Variants in PNPLA3 observed in about 807,000 individuals in gnomAD.
The protein encoded by PNPLA3 is patatin like domain 3, 1-acylglycerol-3-phosphate O-acyltransferase.
In PNPLA3, 42 loss-of-function variants were observed where a neutral mutation model predicts 43.1. The observed-to-expected ratio is 0.97, with a 90% CI of 0.76 to 1.26. The LOEUF (loss-of-function observed/expected upper bound fraction) is 1.26, where lower values mean the gene tolerates loss of function less well. PNPLA3 is among the 50% of genes most tolerant of loss of function. The pLI, the probability that PNPLA3 is intolerant of heterozygous loss-of-function variation, is 0.00. For missense variants in PNPLA3, 647 were observed against 621.4 expected (o/e 1.04, Z -0.44); for synonymous variants, 272 against 253.6 (o/e 1.07, Z -0.69).
In PNPLA3 at chr22:43,946,295, C is replaced by T. The variant is rs76510336; in HGVS notation, c.1359C>T (p.Ser453=). The part of the protein sequence containing the change: ...EATPRSILRS[S]LNFFLGNKVP... ...CCCCGCGGTCCATCCTCAGGTCCAG[C>T]CTGAACTTCTTCTTGGGCAATAAAG... Residue 453 remains serine (S), a synonymous_variant, in exon 9 of 9, where the codon AGC becomes AGT. Transcript: ENST00000216180. The T allele has an allele frequency of 3.8e-5, 61 of 1,614,134 alleles. No individual in the cohort carries two copies. Among genetic ancestry groups the T allele is most frequent in the Non-Finnish European group, 4.2e-6 (5 of 1,180,036 alleles).
At chr22:43,941,719 C>G (rs921986023) in intron 7 of PNPLA3, among the ~76,000 whole-genome samples, 1 of 151,958 alleles carries the variant, frequency 6.6e-6, no homozygotes. Flanking sequence ...TGAGCCTCAG[C>G]GGTTTCATCC....
At chr22:43,926,138 C>T (rs1484972970) in intron 1 of PNPLA3, among the ~76,000 whole-genome samples, 1 of 152,352 alleles carries the variant, frequency 6.6e-6, no homozygotes, top group South Asian at 2.1e-4. Context: ...CTCAGTGCAT[C>T]TGAGCTGAGG....
chr22:43,944,680 C>G lies in PNPLA3; in HGVS notation c.1113-11C>G. 6.2e-7 allele frequency: 1 copy of G among 1,612,770 alleles called. No homozygotes were observed. The stretch of plus-strand genomic sequence containing the variant: ...ATGTGTGTGTTTGTGTACTTGGTCT[C>G]ATCTCTGCAGACTGGTGACATGGCT... On this transcript the variant is annotated splice_polypyrimidine_tract_variant and intron_variant, in intron 7 of 8. Coordinates refer to ENST00000216180, the MANE Select transcript of PNPLA3 (RefSeq NM_025225.3).
Position 43,925,104 on chromosome 22 carries a change from T to C in PNPLA3, c.187+1006T>C, listed in dbSNP as rs577201122. Among the ~76,000 whole-genome samples, 16 of 150,612 alleles carry C rather than the reference T, an allele frequency of 1.1e-4. No homozygotes were observed. In the East Asian group the frequency reaches 2.9e-3, roughly 27 times the overall value. On this transcript the variant is annotated intron_variant, in intron 1 of 8. Coordinates refer to ENST00000216180, the MANE Select transcript of PNPLA3 (RefSeq NM_025225.3). ...TTTCCTCCTCCTCCTCCTCCTCCAGTGTTTGGGACCCTTCCTGGGGGCTGG... is the reference window on the plus strand; with the variant it reads ...TTTCCTCCTCCTCCTCCTCCTCCAGCGTTTGGGACCCTTCCTGGGGGCTGG...
intron 8 of PNPLA3, 28 bp from the exon 9 acceptor site, chr22:43,946,126 C>G: frequency 6.2e-7 from 1 of 1,607,278 alleles, no homozygotes; most frequent in Non-Finnish European, 8.5e-7. Context: ...GGAACGGCCT[C>G]TAAGCCAACT....
In PNPLA3 at chr22:43,946,625, G is replaced by A. The variant is rs990854737; in HGVS notation, c.*243G>A. The A allele has an allele frequency of 2.0e-5, 14 of 703,508 alleles. No individual in the cohort carries two copies. The highest frequency in any genetic ancestry group is 2.4e-4 in the Middle Eastern group (1 of 4,214). 43.6% of individuals were successfully genotyped at this position (703,508 alleles called of 1,614,324 possible). A position where few individuals can be genotyped will look rare whatever the true frequency, so the allele number is the denominator to read the frequency against. ...GCTGGTTGGGAAATGACACCAGGAAGCCCAGTGCAGAGGGTCCCTTACTGA... is the reference window on the plus strand; with the variant it reads ...GCTGGTTGGGAAATGACACCAGGAAACCCAGTGCAGAGGGTCCCTTACTGA... On this transcript the variant is annotated 3_prime_UTR_variant, in exon 9 of 9. Coordinates refer to ENST00000216180, the MANE Select transcript of PNPLA3 (RefSeq NM_025225.3).
chr22:43,938,437 T>C (rs2050010017), intron 6 of PNPLA3, among the ~76,000 whole-genome samples: 2 of 152,106 alleles, frequency 1.3e-5, no homozygotes, highest in Admixed American at 6.6e-5. Context: ...ACAGGAAGCA[T>C]GGTGCTGGCA....
chr22:43,933,061 A>C lies in PNPLA3; in HGVS notation c.670A>C (p.Arg224=). Residue 224 remains arginine, a synonymous_variant, in exon 4 of 9, where the codon AGA becomes CGA. Coordinates refer to ENST00000216180, the MANE Select transcript of PNPLA3 (RefSeq NM_025225.3). ...CACAGGGAACCTCTACCTTCTCTCGAGAGCTTTTGTCCCCCCGGATCTCAA... is the reference window on the plus strand; with the variant it reads ...CACAGGGAACCTCTACCTTCTCTCGCGAGCTTTTGTCCCCCCGGATCTCAA... ...LCTGNLYLLS[R]AFVPPDLKVL... is the part of the protein sequence containing the mutation. 6.2e-7 allele frequency: 1 copy of C among 1,613,900 alleles called. No individual in the cohort carries two copies. Among genetic ancestry groups the C allele is most frequent in the Non-Finnish European group, 8.5e-7 (1 of 1,180,016 alleles).
intron 8 of PNPLA3, among the ~76,000 whole-genome samples, 179 bp from the exon 9 acceptor site, chr22:43,945,975 C>T (rs2050060252): frequency 6.6e-6 from 1 of 152,148 alleles, no homozygotes; most frequent in African/African-American, 2.4e-5. Context: ...CTTGGAAGAC[C>T]TAGGTGGTGA....
chr22:43,933,111 G>T (rs1239431812), intron 4 of PNPLA3, 24 bp downstream of exon 4: 1 of 1,599,020 alleles, frequency 6.3e-7, no homozygotes, highest in Non-Finnish European at 8.6e-7. Context: ...GAGGGGGCAG[G>T]TGTTCTGGGG....
At chr22:43,924,142 GC>G in intron 1 of PNPLA3, 44 bp downstream of exon 1, 2 of 1,435,228 alleles carry the variant, frequency 1.4e-6, no homozygotes, top group Middle Eastern at 2.5e-4. Context: ...CGGAGTGGGT[GC>G]CCCCTAGGCC....
intron 4 of PNPLA3, among the ~76,000 whole-genome samples, chr22:43,933,689 A>G (rs1343507890): frequency 6.6e-6 from 1 of 152,200 alleles, no homozygotes; most frequent in Non-Finnish European, 1.5e-5. Context: ...GATGATTCTT[A>G]TTTGGAAACA....
intron 2 of PNPLA3, 118 bp downstream of exon 2, chr22:43,927,285 G>A (rs2049930448): frequency 2.4e-6 from 2 of 823,288 alleles, no homozygotes; most frequent in South Asian, 3.2e-5. Flanking sequence ...GGTTGCTTGA[G>A]CCCAGGAGCT....
rs964253614 is a variant in PNPLA3, at chr22:43,946,629, A to G, written c.*247A>G. 1.0e-5 allele frequency: 7 copies of G among 698,142 alleles called. No homozygotes were observed. In the East Asian group the frequency reaches 2.0e-4, roughly 20 times the overall value. The allele number at this position is 698,142 out of a possible 1,614,324, so 43.2% of individuals were successfully genotyped here. ...GTTGGGAAATGACACCAGGAAGCCCAGTGCAGAGGGTCCCTTACTGACTGT... is the reference window on the plus strand; with the variant it reads ...GTTGGGAAATGACACCAGGAAGCCCGGTGCAGAGGGTCCCTTACTGACTGT... On this transcript the variant is annotated 3_prime_UTR_variant, in exon 9 of 9. Transcript: ENST00000216180.
Position 43,937,118 on chromosome 22 carries a change from G to C in PNPLA3, c.825G>C (p.Met275Ile), listed in dbSNP as rs2050000631. Residue 275 changes from methionine (M) to isoleucine (I), a missense_variant, in exon 6 of 9, where the codon ATG becomes ATC. Coordinates refer to ENST00000216180, the MANE Select transcript of PNPLA3 (RefSeq NM_025225.3). ...SSEGMDPEVA[M>I]PSWANMSLDS... is the part of the protein sequence containing the mutation. ...AAGGGATGGATCCTGAGGTCGCCAT[G>C]CCCAGCTGGGCAAACATGAGTCTGG... 1 of 1,614,042 alleles carries C rather than the reference G, an allele frequency of 6.2e-7. No individual in the cohort carries two copies. Among genetic ancestry groups the C allele is most frequent in the African/African-American group, 1.3e-5 (1 of 74,946 alleles).
chr22:43,938,578 T>G (rs1259757319), intron 6 of PNPLA3, among the ~76,000 whole-genome samples: 1 of 152,072 alleles, frequency 6.6e-6, no homozygotes, highest in Non-Finnish European at 1.5e-5. Flanking sequence ...CCATACACTT[T>G]TAAACAACCA....
At position 43,946,730 on chromosome 22, in the gene PNPLA3, C is replaced by A. The variant is rs769538246; in HGVS notation, c.*348C>A. 1 of 530,272 alleles carries A rather than the reference C, an allele frequency of 1.9e-6. No homozygotes were observed. The highest frequency in any genetic ancestry group is 3.7e-6 in the Non-Finnish European group (1 of 270,394). The allele number at this position is 530,272 out of a possible 1,614,324, so 32.8% of individuals were successfully genotyped here. ...GACAGGTGTTTGGATGGGTGGGGGC[C>A]TTGTGATGGGGGGTAGGCTGGCCCA... is the stretch of plus-strand genomic sequence containing the variant. On this transcript the variant is annotated 3_prime_UTR_variant, in exon 9 of 9. Coordinates refer to ENST00000216180, the MANE Select transcript of PNPLA3 (RefSeq NM_025225.3).
chr22:43,938,924 T>C (rs2050013486), intron 6 of PNPLA3, among the ~76,000 whole-genome samples: 1 of 152,040 alleles, frequency 6.6e-6, no homozygotes, highest in Admixed American at 6.5e-5. Context: ...CTGTTTTTTG[T>C]TTTGTGTTTT....
At chr22:43,939,666 A>C (rs1400578195) in intron 6 of PNPLA3, among the ~76,000 whole-genome samples, 1 of 152,184 alleles carries the variant, frequency 6.6e-6, no homozygotes, top group Non-Finnish European at 1.5e-5. Context: ...AATACAAAAA[A>C]TTAGCTGGGC....
Sources: gnomAD v4.1 joint callset for allele counts (sites outside exome capture counted in the v4.1 genomes callset) on GRCh38, gnomAD v4.1.1 for gene constraint, MANE v1.5 for transcripts, NCBI Gene and HGNC (gene_info 2026-07-23, HGNC 2026-07-21) for gene names.